Variants in WFDC1 observed in about 807,000 individuals in gnomAD.
The protein encoded by WFDC1 is WAP four-disulfide core domain 1, also known as WAP four-disulfide core domain protein 1.
WFDC1 carries 39 observed loss-of-function variants against 32.9 expected under a neutral mutation model. The ratio of observed to expected loss-of-function variants is 1.19; its 90% CI spans 0.92 to 1.55. WFDC1 has a LOEUF of 1.55. Among genes scored for constraint, WFDC1 ranks in the 40% most tolerant of loss-of-function variants. The pLI, the probability that WFDC1 is intolerant of heterozygous loss-of-function variation, is 0.00. For missense variants in WFDC1, 386 were observed against 309.5 expected, an observed-to-expected ratio of 1.25 and a Z score of -1.85; for synonymous variants, 184 against 137.4, an observed-to-expected ratio of 1.34 and a Z score of -2.37.
chr16:84,327,064 C>T (rs1908648923), intron 6 of WFDC1, 109 bp downstream of exon 6: 1 of 1,035,116 alleles, frequency 9.7e-7, no homozygotes, highest in Non-Finnish European at 1.5e-6. Flanking sequence ...TAGCGCTTTC[C>T]CTACTGGTAG....
chr16:84,313,683 C>G (rs931082558), intron 2 of WFDC1, among the ~76,000 whole-genome samples: 1 of 152,208 alleles, frequency 6.6e-6, no homozygotes, highest in African/African-American at 2.4e-5. Flanking sequence ...TCATGCCTGG[C>G]CCTGGGGTAT....
rs780154110 is a variant in WFDC1, at chr16:84,326,883, A to G, written c.606A>G (p.Glu202=). Residue 202 remains glutamate (E), a splice_region_variant and synonymous_variant, in exon 6 of 7, where the codon GAA becomes GAG. Transcript: ENST00000219454. ...AACAGAGCTGTGTTCTTTTCACAGA[A>G]GGTGACTCAAAGAATGTGGCAGAAC... The part of the protein sequence containing the change: ...LRHKLYKEYP[E]GDSKNVAEPG... 5.6e-6 allele frequency: 9 copies of G among 1,613,990 alleles called. No individual in the cohort carries two copies. The Admixed American group carries it at 8.3e-5, about 15-fold the overall frequency.
intron 2 of WFDC1, chr16:84,316,417 G>C (rs549624811): frequency 1.5e-5 from 2 of 135,430 alleles, no homozygotes; most frequent in South Asian, 2.2e-4. Flanking sequence ...AACGAATGCA[G>C]AGGTCACAAG....
rs533815599 is a variant in WFDC1, at chr16:84,322,956, T to C, written c.563-1463T>C. Among the ~76,000 whole-genome samples the C allele has an allele frequency of 2.6e-4, 40 of 152,214 alleles. No individual in the cohort carries two copies. The East Asian group carries it at 3.9e-3, about 15-fold the overall frequency. On this transcript the variant is annotated intron_variant, in intron 4 of 6. Transcript: ENST00000219454. The stretch of plus-strand genomic sequence containing the variant: ...ATTTGAGAAAAGTGACGAGTAATCA[T>C]TTTTGGTAATAAATTATAAGTGATT...
intron 1 of WFDC1, among the ~76,000 whole-genome samples, chr16:84,305,929 G>T (rs1278812432): frequency 6.6e-6 from 1 of 151,970 alleles, no homozygotes; most frequent in Non-Finnish European, 1.5e-5. Flanking sequence ...GTTGAGTCTG[G>T]GAGGCGGAGG....
At chr16:84,300,195 T>G (rs1225581672) in intron 1 of WFDC1, among the ~76,000 whole-genome samples, 17 of 152,248 alleles carry the variant, frequency 1.1e-4, no homozygotes, top group Admixed American at 1.1e-3. Flanking sequence ...TTTCTCTGGC[T>G]GCAGGAGCCT....
chr16:84,307,685 G>A (rs907397480), intron 1 of WFDC1, among the ~76,000 whole-genome samples: 3 of 152,132 alleles, frequency 2.0e-5, no homozygotes, highest in Non-Finnish European at 4.4e-5. Flanking sequence ...AAAATAAGCT[G>A]GGCGGAAAAA....
Position 84,319,545 on chromosome 16 carries a change from A to G in WFDC1, c.536A>G (p.Gln179Arg). 1.2e-6 allele frequency: 2 copies of G among 1,612,994 alleles called. No individual in the cohort carries two copies. The highest frequency in any genetic ancestry group is 8.5e-7 in the Non-Finnish European group (1 of 1,179,928). Residue 179 changes from glutamine (Q) to arginine (R), a missense_variant, in exon 4 of 7, where the codon CAG becomes CGG. By Grantham distance (43) the Gln-to-Arg change is conservative (BLOSUM62 1). Transcript: ENST00000219454. ...DVAEGIPNRG[Q>R]CVKQRRQADG... ...GCCGAAGGTATCCCCAACCGTGGGC[A>G]GTGCGTCAAGCAGCGCCGGCAAGCA...
chr16:84,307,040 T>G (rs1907305416), intron 1 of WFDC1, among the ~76,000 whole-genome samples: 1 of 151,702 alleles, frequency 6.6e-6, no homozygotes, highest in Non-Finnish European at 1.5e-5. Context: ...GCCGGGCAGA[T>G]ATGGTGGGTG....
At chr16:84,314,089 C>T (rs1156230818) in intron 2 of WFDC1, among the ~76,000 whole-genome samples, 1 of 152,014 alleles carries the variant, frequency 6.6e-6, no homozygotes, top group East Asian at 1.9e-4. Flanking sequence ...GTGCAGCTCA[C>T]GGTGGACCTG....
Position 84,294,952 on chromosome 16 carries a change from G to T in WFDC1, c.-20G>T, listed in dbSNP as rs575287609. The T allele has an allele frequency of 8.1e-6, 13 of 1,606,260 alleles. No individual in the cohort carries two copies. In the Admixed American group the frequency reaches 1.7e-4, roughly 21 times the overall value. On this transcript the variant is annotated 5_prime_UTR_variant, in exon 1 of 7. The change creates a new upstream start codon in the 5' untranslated region. Coordinates refer to ENST00000219454, the MANE Select transcript of WFDC1 (RefSeq NM_021197.4). ...GCCCCTCTTCTGTGTGCGTCTGGAA[G>T]GTCGCTGCCCAGGGAGGAAATGCCT...
chr16:84,316,984 A>T (rs1160760749), intron 2 of WFDC1: 1 of 151,652 alleles, frequency 6.6e-6, no homozygotes, highest in South Asian at 2.1e-4. Context: ...GTCTCAAAAA[A>T]AAAAAAGAAA....
intron 4 of WFDC1, among the ~76,000 whole-genome samples, chr16:84,322,378 G>A (rs944384291): frequency 2.6e-4 from 40 of 152,044 alleles, no homozygotes; most frequent in African/African-American, 9.4e-4. Context: ...TCAGGGGAAG[G>A]GTGGCCCCCT....
At chr16:84,301,364 AG>A (rs1312846060) in intron 1 of WFDC1, among the ~76,000 whole-genome samples, 14 of 152,202 alleles carry the variant, frequency 9.2e-5, no homozygotes, top group Non-Finnish European at 1.9e-4. Flanking sequence ...GACATTTCAC[AG>A]ATAAGGAAAC....
chr16:84,309,563 C>T (rs1907484638), intron 1 of WFDC1, among the ~76,000 whole-genome samples: 1 of 151,814 alleles, frequency 6.6e-6, no homozygotes, highest in Non-Finnish European at 1.5e-5. Context: ...TTCCAGGGGC[C>T]GCCGTAACAA....
At position 84,318,343 on chromosome 16, in the gene WFDC1, G is replaced by A. The variant is rs1308794822; in HGVS notation, c.409G>A (p.Glu137Lys). The part of the protein sequence containing the change: ...GNGWLLDGPE[E>K]VLQAEACSTT... ...TGGCTGGCTCCTGGATGGCCCTGAG[G>A]AGGTGTTACAAGGTACCTGCCGGGT... The change falls in exon 3 of 7, where the codon GAG becomes AAG. Residue 137 changes from glutamate to lysine, a missense_variant. Coordinates refer to ENST00000219454, the MANE Select transcript of WFDC1 (RefSeq NM_021197.4). 1 of 1,614,060 alleles carries A rather than the reference G, an allele frequency of 6.2e-7. No individual in the cohort carries two copies. The highest frequency in any genetic ancestry group is 1.7e-4 in the Middle Eastern group (1 of 6,048).
chr16:84,318,399 C>T lies in WFDC1; in HGVS notation c.421+44C>T, dbSNP rs561797896. Reference sequence around the variant, plus strand: ...CCAGACCCTACATCCAAGCCTCGATCCCTCCTTCTCAGCTGCTTCCAGAAA... The same window carrying T: ...CCAGACCCTACATCCAAGCCTCGATTCCTCCTTCTCAGCTGCTTCCAGAAA... On this transcript the variant is annotated intron_variant, in intron 3 of 6. Transcript: ENST00000219454. The T allele has an allele frequency of 5.3e-5, 84 of 1,588,434 alleles. 3 individuals are homozygous for T. In the South Asian group the frequency reaches 8.2e-4, roughly 16 times the overall value.
At position 84,296,486 on chromosome 16, in the gene WFDC1, A is replaced by C. The variant is rs549354931; in HGVS notation, c.144+1371A>C. On this transcript the variant is annotated intron_variant, in intron 1 of 6. Transcript: ENST00000219454. ...AGACAGGGTTTTTAGGGTTGGGGAC[A>C]GTGGACCTGTGGCTTTAAAGGATAA... 3.9e-5 allele frequency among the ~76,000 whole-genome samples: 6 copies of C among 152,248 alleles called. No individual in the cohort carries two copies. In the South Asian group the frequency reaches 1.2e-3, roughly 32 times the overall value.
intron 6 of WFDC1, chr16:84,328,955 G>GAAAA (rs79425921): frequency 4.5e-4 from 67 of 148,796 alleles, no homozygotes; most frequent in South Asian, 4.3e-4. Context: ...CCTGTTTCAA[G>GAAAA]AAAAAAAAAA....
Sources: gnomAD v4.1 joint callset for allele counts (sites outside exome capture counted in the v4.1 genomes callset) on GRCh38, gnomAD v4.1.1 for gene constraint, MANE v1.5 for transcripts, NCBI Gene and HGNC (gene_info 2026-07-23, HGNC 2026-07-21) for gene names.